The following CFAP20DC variants were observed in gnomAD, a reference collection of about 807,000 sequenced individuals.
CFAP20DC encodes protein CFAP20DC.
Under a neutral mutation model 101.7 loss-of-function variants are expected in CFAP20DC, and 84 were observed. The observed-to-expected ratio is 0.83, with a 90% CI of 0.69 to 0.99. The LOEUF is 0.99. Ranked by LOEUF, CFAP20DC falls within the 50% of genes least tolerant of loss-of-function variation. The pLI, the probability that CFAP20DC is intolerant of heterozygous loss-of-function variation, is 0.00. For missense variants in CFAP20DC, 1,007 were observed against 970.3 expected (o/e 1.04, Z -0.50); for synonymous variants, 359 against 351.2 (o/e 1.02, Z -0.25).
chr3:58,912,772 G>A lies in CFAP20DC; in HGVS notation c.550+936C>T, dbSNP rs777421348. On this transcript the variant is annotated intron_variant, in intron 6 of 16. Transcript: ENST00000482387. This position sits in a 1 kb window ranked among gnomAD's most constrained non-coding sequence, Gnocchi z 4.4. Reference sequence around the variant, plus strand: ...AGAGTATATTTATAAATCAAATTATGAACAATTAATGTAAATATTTCTAGT... The same window carrying A: ...AGAGTATATTTATAAATCAAATTATAAACAATTAATGTAAATATTTCTAGT... 1 of 455,112 alleles carries A rather than the reference G, an allele frequency of 2.2e-6. No homozygotes were observed. Among genetic ancestry groups the A allele is most frequent in the Non-Finnish European group, 4.4e-6 (1 of 226,606 alleles). 28.2% of individuals were successfully genotyped at this position (455,112 alleles called of 1,614,324 possible).
At position 58,876,715 on chromosome 3, in the gene CFAP20DC, C is replaced by G. The variant is rs577604763; in HGVS notation, c.716-6406G>C. ...GATACAATGTTCTAATTATTATAGTCATTTAAATTTGCACGGTTTTCAAAG... is the reference window on the plus strand; with the variant it reads ...GATACAATGTTCTAATTATTATAGTGATTTAAATTTGCACGGTTTTCAAAG... On this transcript the variant is annotated intron_variant, in intron 7 of 16. Transcript: ENST00000482387. Among the ~76,000 whole-genome samples the G allele has an allele frequency of 3.9e-4, 59 of 152,174 alleles. 1 individual carries two copies. The highest frequency in any genetic ancestry group is 1.9e-3 in the Admixed American group (29 of 15,292).
intron 3 of CFAP20DC, among the ~76,000 whole-genome samples, chr3:58,735,903 A>G (rs561684047): frequency 2.4e-4 from 36 of 152,336 alleles, no homozygotes; most frequent in African/African-American, 8.2e-4. Context: ...GAATCTCTGG[A>G]CTTACTATTT....
At chr3:58,934,986 C>T (rs990452088) in intron 5 of CFAP20DC, among the ~76,000 whole-genome samples, 13 of 152,110 alleles carry the variant, frequency 8.5e-5, no homozygotes, top group African/African-American at 2.2e-4. Context: ...TCAAATTGTC[C>T]CTGTTTGCAG....
At chr3:59,029,516 A>G (rs1040218053) in intron 4 of CFAP20DC, among the ~76,000 whole-genome samples, 1 of 152,028 alleles carries the variant, frequency 6.6e-6, no homozygotes, top group Non-Finnish European at 1.5e-5. Flanking sequence ...GGACCCTAAG[A>G]AGAGACTTCA....
intron 13 of CFAP20DC, among the ~76,000 whole-genome samples, chr3:58,843,134 T>TC (rs1665516145): frequency 6.6e-6 from 1 of 152,174 alleles, no homozygotes; most frequent in African/African-American, 2.4e-5. Context: ...ACACAGTTCC[T>TC]CACCAGCAAC....
chr3:58,946,845 G>A (rs115041407), intron 4 of CFAP20DC, among the ~76,000 whole-genome samples: 208 of 152,282 alleles, frequency 1.4e-3, no homozygotes, highest in African/African-American at 4.7e-3. Flanking sequence ...AAGAGGATGG[G>A]ACATGGAAGA....
intron 14 of CFAP20DC, among the ~76,000 whole-genome samples, 171 bp from the exon 15 acceptor site, chr3:58,806,627 C>T (rs1426816064): frequency 3.3e-5 from 5 of 152,178 alleles, no homozygotes; most frequent in Admixed American, 3.3e-4. Flanking sequence ...TGTACAGCTC[C>T]CAGCGTGAGC....
rs1487800062 is a variant in CFAP20DC, at chr3:58,849,246, G to A, written c.1757C>T (p.Ser586Leu). ...GTTATTTCTATCTATTTGCTCCATC[G>A]AGGAATCCTGGCTTTCTGTTGCTCC... ...EAGATESQDS[S>L]MEQIDRNNFE... The change falls in exon 13 of 17, where the codon TCG becomes TTG. Residue 586 changes from serine (S) to leucine (L), a missense_variant. Physicochemically the swap from Ser to Leu is moderately radical, Grantham distance 145. Transcript: ENST00000482387. 3 of 1,536,012 alleles carry A rather than the reference G, an allele frequency of 2.0e-6. No individual in the cohort carries two copies. The highest frequency in any genetic ancestry group is 1.4e-5 in the African/African-American group (1 of 73,136).
Position 58,788,277 on chromosome 3 carries a change from A to G in CFAP20DC, c.2237+18118T>C, listed in dbSNP as rs2072550342. ...CAGCATGGTTGATTTGGGGCCGTCT[A>G]TTGGAGATGGATGTTTCTAATATAA... On this transcript the variant is annotated intron_variant, in intron 15 of 16. Transcript: ENST00000482387. This position sits in a 1 kb window ranked among gnomAD's most constrained non-coding sequence, Gnocchi z 4.2. Among the ~76,000 whole-genome samples the G allele has an allele frequency of 6.6e-6, 1 of 152,100 alleles. No individual in the cohort carries two copies. The highest frequency in any genetic ancestry group is 2.4e-5 in the African/African-American group (1 of 41,424).
chr3:59,000,643 G>A (rs185454376), intron 4 of CFAP20DC, among the ~76,000 whole-genome samples: 4 of 152,196 alleles, frequency 2.6e-5, no homozygotes, highest in African/African-American at 9.6e-5. Flanking sequence ...AAGGAGAATC[G>A]GGAAGATTTG....
At position 58,861,716 on chromosome 3, in the gene CFAP20DC, C is replaced by A; in HGVS notation, c.1593+1842G>T. On this transcript the variant is annotated intron_variant, in intron 12 of 16. Coordinates refer to ENST00000482387, the MANE Select transcript of CFAP20DC (RefSeq NM_001394063.1). The surrounding 1 kb of genome is among the most constrained non-coding windows in gnomAD (Gnocchi z 4.0). ...CAGGTGTTTCCCCTCTCTCTGGCTG[C>A]CACTCTTAGTAGGCTCTGATTAAAG... is the stretch of plus-strand genomic sequence containing the variant. 1.0e-6 allele frequency: 1 copy of A among 985,384 alleles called. No homozygotes were observed. Among genetic ancestry groups the A allele is most frequent in the Non-Finnish European group, 1.2e-6 (1 of 829,930 alleles). 61.0% of individuals were successfully genotyped at this position (985,384 alleles called of 1,614,324 possible).
chr3:58,879,632 G>C (rs1206676522), intron 7 of CFAP20DC, among the ~76,000 whole-genome samples: 1 of 152,070 alleles, frequency 6.6e-6, no homozygotes, highest in East Asian at 1.9e-4. Flanking sequence ...ACATTTTAGT[G>C]GGGGAGACAG....
intron 15 of CFAP20DC, among the ~76,000 whole-genome samples, chr3:58,773,368 T>C (rs550864170): frequency 6.9e-6 from 1 of 144,474 alleles, no homozygotes. Flanking sequence ...ATGGGCAATA[T>C]AGTGAGACCT....
At chr3:58,990,248 C>T (rs1171894770) in intron 4 of CFAP20DC, among the ~76,000 whole-genome samples, 1 of 152,162 alleles carries the variant, frequency 6.6e-6, no homozygotes, top group Non-Finnish European at 1.5e-5. Context: ...CAATGTCTAG[C>T]CTCTGCTACT....
intron 4 of CFAP20DC, among the ~76,000 whole-genome samples, chr3:58,993,161 T>C (rs1576626818): frequency 6.6e-6 from 1 of 152,240 alleles, no homozygotes; most frequent in Non-Finnish European, 1.5e-5. Context: ...TCCGTATATA[T>C]TGATTTTCTA....
chr3:58,825,630 C>T (rs1313852058), intron 14 of CFAP20DC, among the ~76,000 whole-genome samples: 1 of 152,078 alleles, frequency 6.6e-6, no homozygotes, highest in Non-Finnish European at 1.5e-5. Context: ...TTATAACTAA[C>T]TCCTAGTGCC....
intron 6 of CFAP20DC, among the ~76,000 whole-genome samples, chr3:58,891,934 C>T (rs1391609119): frequency 6.6e-6 from 1 of 152,178 alleles, no homozygotes; most frequent in South Asian, 2.1e-4. Flanking sequence ...GTCCTGAATA[C>T]CCAGATTTTC....
intron 4 of CFAP20DC, among the ~76,000 whole-genome samples, chr3:58,997,742 G>T (rs1374844257): frequency 6.6e-6 from 1 of 152,136 alleles, no homozygotes; most frequent in African/African-American, 2.4e-5. Flanking sequence ...AAAGTAAACA[G>T]GTCTAGTCTT....
intron 3 of CFAP20DC, among the ~76,000 whole-genome samples, chr3:59,044,643 G>A (rs574893462): frequency 5.8e-4 from 88 of 151,880 alleles, no homozygotes; most frequent in Non-Finnish European, 9.4e-4. Flanking sequence ...CTTTAGTAGA[G>A]AAGGAATCTA....
Sources: allele counts gnomAD v4.1 joint callset (sites outside exome capture counted in the v4.1 genomes callset), GRCh38; gene constraint gnomAD v4.1.1; non-coding constraint Gnocchi (gnomAD v3.1); transcripts MANE v1.5; gene names NCBI Gene and HGNC (gene_info 2026-07-23, HGNC 2026-07-21).